The following PARD3 variants were observed in gnomAD, a reference collection of about 807,000 sequenced individuals.
The protein encoded by PARD3 is partitioning defective 3 homolog.
PARD3 carries 75 observed loss-of-function variants against 155.4 expected under a neutral mutation model. That is an observed-to-expected ratio of 0.48 (90% CI 0.40 to 0.58). The LOEUF (loss-of-function observed/expected upper bound fraction) is 0.58. Ranked by LOEUF, PARD3 falls within the 20% of genes least tolerant of loss-of-function variation. The pLI is 0.00. For synonymous variants in PARD3, 576 were observed against 610.5 expected, an observed-to-expected ratio of 0.94 and a Z score of 0.83; for missense variants, 1,642 against 1,721.7, an observed-to-expected ratio of 0.95 and a Z score of 0.82.
At chr10:34,457,759 C>T (rs2077413255) in intron 4 of PARD3, among the ~76,000 whole-genome samples, 1 of 152,180 alleles carries the variant, frequency 6.6e-6, no homozygotes, top group South Asian at 2.1e-4. Flanking sequence ...AGCCAACACA[C>T]TCAGCTAATT....
chr10:34,602,235 T>A (rs2089849245), intron 2 of PARD3, among the ~76,000 whole-genome samples: 1 of 152,186 alleles, frequency 6.6e-6, no homozygotes. Context: ...GTTTACACTT[T>A]TCACTTTTCA....
intron 2 of PARD3, among the ~76,000 whole-genome samples, chr10:34,614,218 C>T (rs2132648766): frequency 6.6e-6 from 1 of 152,312 alleles, no homozygotes; most frequent in South Asian, 2.1e-4. Flanking sequence ...TTTTGCTCCG[C>T]TACATGGGAT....
intron 22 of PARD3, among the ~76,000 whole-genome samples, chr10:34,213,232 G>C (rs1293366930): frequency 6.6e-6 from 1 of 152,198 alleles, no homozygotes; most frequent in Admixed American, 6.5e-5. Flanking sequence ...TGTGTGCAAA[G>C]AGACCACATG....
chr10:34,756,957 C>T (rs1564586290), intron 1 of PARD3, among the ~76,000 whole-genome samples: 1 of 152,182 alleles, frequency 6.6e-6, no homozygotes, highest in East Asian at 1.9e-4. Flanking sequence ...AGACTCAAAT[C>T]ACCAAAAGGT....
At chr10:34,793,110 C>A (rs1020350172) in intron 1 of PARD3, among the ~76,000 whole-genome samples, 98 of 152,310 alleles carry the variant, frequency 6.4e-4, no homozygotes, top group African/African-American at 2.3e-3. Context: ...GTGGTGCAGT[C>A]AGCCTTGAGC....
chr10:34,189,300 A>T (rs1363089657), intron 22 of PARD3, among the ~76,000 whole-genome samples: 2 of 152,364 alleles, frequency 1.3e-5, no homozygotes, highest in Non-Finnish European at 2.9e-5. Context: ...ACTGCACTGC[A>T]GCCTGGGTAA....
At chr10:34,390,816 GTTTT>G (rs568364016) in intron 7 of PARD3, among the ~76,000 whole-genome samples, 2 of 151,980 alleles carry the variant, frequency 1.3e-5, no homozygotes, top group Admixed American at 1.3e-4. Flanking sequence ...AAACAATATA[GTTTT>G]TTTTGTGTGT....
intron 2 of PARD3, among the ~76,000 whole-genome samples, chr10:34,574,408 A>G (rs1245817605): frequency 6.6e-6 from 1 of 152,208 alleles, no homozygotes; most frequent in East Asian, 1.9e-4. Context: ...TGTGTCCTCC[A>G]GGCCTCTGAA....
intron 1 of PARD3, among the ~76,000 whole-genome samples, chr10:34,745,928 G>A (rs1195567367): frequency 3.3e-5 from 5 of 151,946 alleles, no homozygotes; most frequent in African/African-American, 9.7e-5. Flanking sequence ...GTGAAACCCC[G>A]CCTCTACTAA....
At chr10:34,275,657 C>T (rs922974354) in intron 21 of PARD3, among the ~76,000 whole-genome samples, 1 of 152,148 alleles carries the variant, frequency 6.6e-6, no homozygotes, top group Non-Finnish European at 1.5e-5. Flanking sequence ...TATTTCCACT[C>T]TGTGGAGATA....
intron 20 of PARD3, among the ~76,000 whole-genome samples, chr10:34,296,045 G>A (rs1363591067): frequency 1.3e-5 from 2 of 152,168 alleles, no homozygotes; most frequent in African/African-American, 4.8e-5. Context: ...GCTGGGTTGG[G>A]CAGGGAAGGC....
At chr10:34,338,992 C>T (rs951471774) in intron 16 of PARD3, among the ~76,000 whole-genome samples, 1 of 152,120 alleles carries the variant, frequency 6.6e-6, no homozygotes, top group African/African-American at 2.4e-5. Flanking sequence ...TGCCCCTTCA[C>T]ATACTACTAT....
intron 22 of PARD3, among the ~76,000 whole-genome samples, chr10:34,239,134 C>T (rs192604889): frequency 9.2e-5 from 14 of 152,248 alleles, no homozygotes; most frequent in African/African-American, 2.2e-4. Flanking sequence ...TAAGTTAAAT[C>T]GAACATTTTA....
intron 2 of PARD3, among the ~76,000 whole-genome samples, chr10:34,548,600 G>A (rs1403679072): frequency 6.6e-6 from 1 of 151,780 alleles, no homozygotes; most frequent in African/African-American, 2.4e-5. Flanking sequence ...ACTACCAGCT[G>A]GCATTAAAAT....
intron 2 of PARD3, among the ~76,000 whole-genome samples, chr10:34,619,579 T>A (rs555952315): frequency 6.6e-6 from 1 of 152,256 alleles, no homozygotes; most frequent in East Asian, 1.9e-4. Context: ...ACCACCACCA[T>A]GAGATTGGAA....
At chr10:34,720,448 C>CAAAAAA (rs10603866) in intron 1 of PARD3, among the ~76,000 whole-genome samples, 2 of 56,870 alleles carry the variant, frequency 3.5e-5, no homozygotes, top group African/African-American at 1.4e-4. Context: ...AAGGCTCTGT[C>CAAAAAA]AAAAAAAAAA....
rs71033345 is a variant in PARD3 at position 34,741,174 on chromosome 10, A to ATTTTTTTTTTTTT, written c.121-44768_121-44756dup. Among the ~76,000 whole-genome samples, 215 of 114,294 alleles carry ATTTTTTTTTTTTT rather than the reference A, an allele frequency of 1.9e-3. 2 individuals carry two copies. Among genetic ancestry groups the ATTTTTTTTTTTTT allele is most frequent in the Middle Eastern group, 7.4e-3 (1 of 136 alleles). 75.0% of individuals were successfully genotyped at this position (114,294 alleles called of 152,430 possible). A position where few individuals can be genotyped will look rare whatever the true frequency, so the allele number is the denominator to read the frequency against. ...CAACTGCTGTGTTTTCGTAAACCAA[A>ATTTTTTTTTTTTT]TTTTTTTTTTTTTTTTTTTTGTTTG... On this transcript the variant is annotated intron_variant, in intron 1 of 24. Coordinates refer to ENST00000374788, the MANE Select transcript of PARD3 (RefSeq NM_001184785.2).
chr10:34,412,559 A>ATGT (rs1160205992), intron 5 of PARD3, among the ~76,000 whole-genome samples: 11 of 152,220 alleles, frequency 7.2e-5, no homozygotes. Context: ...GACAACACAG[A>ATGT]ATGTCCATTT....
intron 19 of PARD3, among the ~76,000 whole-genome samples, chr10:34,328,010 G>A (rs942827680): frequency 5.3e-5 from 8 of 152,258 alleles, no homozygotes; most frequent in Middle Eastern, 3.4e-3. Context: ...CAAGCCAGAC[G>A]CTGAAAATGG....
Sources: allele counts gnomAD v4.1 joint callset (sites outside exome capture counted in the v4.1 genomes callset), GRCh38; gene constraint gnomAD v4.1.1; transcripts MANE v1.5; gene names NCBI Gene and HGNC (gene_info 2026-07-23, HGNC 2026-07-21).